Variants in ST6GALNAC2 observed in about 807,000 individuals in gnomAD.
ST6GALNAC2 encodes ST6 N-acetylgalactosaminide alpha-2,6-sialyltransferase 2.
Under a neutral mutation model 38.7 loss-of-function variants are expected in ST6GALNAC2, and 42 were observed. The ratio of observed to expected loss-of-function variants is 1.09; its 90% CI spans 0.85 to 1.40. The LOEUF is 1.40. Ranked by LOEUF, ST6GALNAC2 falls within the 40% of genes most tolerant of loss-of-function variation. The pLI, the probability that ST6GALNAC2 is intolerant of heterozygous loss-of-function variation, is 0.00. For synonymous variants in ST6GALNAC2, 233 were observed against 209.0 expected (o/e 1.11, Z -0.99); for missense variants, 506 against 481.7 (o/e 1.05, Z -0.47).
At position 76,568,726 on chromosome 17, in the gene ST6GALNAC2, A is replaced by G; in HGVS notation, c.844T>C (p.Tyr282His). The change falls in exon 7 of 9, where the codon TAC becomes CAC. Residue 282 changes from tyrosine to histidine, a missense_variant. Coordinates refer to ENST00000225276, the MANE Select transcript of ST6GALNAC2 (RefSeq NM_006456.3). The part of the protein sequence containing the change: ...FKLLHPDFIS[Y>H]LTERFLKSKL... ...CCCACTCCGTACCTTTCTGTCAGGTAGCTGATGAAGTCCGGATGTAGCAGC... is the reference window on the plus strand; with the variant it reads ...CCCACTCCGTACCTTTCTGTCAGGTGGCTGATGAAGTCCGGATGTAGCAGC... 1 of 1,613,724 alleles carries G rather than the reference A, an allele frequency of 6.2e-7. No individual in the cohort carries two copies. Among genetic ancestry groups the G allele is most frequent in the Non-Finnish European group, 8.5e-7 (1 of 1,180,000 alleles).
chr17:76,573,159 T>TACCCA lies in ST6GALNAC2; in HGVS notation c.530+35_530+36insTGGGT. On this transcript the variant is annotated intron_variant, in intron 4 of 8. Transcript: ENST00000225276. The surrounding 1 kb of genome is among the most constrained non-coding windows in gnomAD (Gnocchi z 5.1). ...GACACCCCCACCCTCCAGGCAACTCTCCCTCCCGCCCCTCCCCAGCTCCTA... is the reference window on the plus strand; with the variant it reads ...GACACCCCCACCCTCCAGGCAACTCTACCCACCCTCCCGCCCCTCCCCAGCTCCTA... The TACCCA allele has an allele frequency of 3.3e-6, 5 of 1,530,316 alleles. No individual in the cohort carries two copies. The highest frequency in any genetic ancestry group is 4.5e-6 in the Non-Finnish European group (5 of 1,120,826). The allele number at this position is 1,530,316 out of a possible 1,614,324, so 94.8% of individuals were successfully genotyped here. A position where few individuals can be genotyped will look rare whatever the true frequency, so the allele number is the denominator to read the frequency against.
chr17:76,571,508 C>T (rs1180082089), intron 5 of ST6GALNAC2, among the ~76,000 whole-genome samples: 1 of 152,222 alleles, frequency 6.6e-6, no homozygotes, highest in East Asian at 1.9e-4. Flanking sequence ...GCAGGAGAAT[C>T]GCTTGAACCC....
chr17:76,566,012 A>G lies in ST6GALNAC2; in HGVS notation c.*92T>C. ...CCCAGTGCCCTCTGTTGGCAAGGGAAGGTGAAGATTGAAAAGTTAAAAAAG... is the reference window on the plus strand; with the variant it reads ...CCCAGTGCCCTCTGTTGGCAAGGGAGGGTGAAGATTGAAAAGTTAAAAAAG... On this transcript the variant is annotated 3_prime_UTR_variant, in exon 9 of 9. Coordinates refer to ENST00000225276, the MANE Select transcript of ST6GALNAC2 (RefSeq NM_006456.3). The G allele has an allele frequency of 3.7e-6, 5 of 1,340,172 alleles. No homozygotes were observed. Among genetic ancestry groups the G allele is most frequent in the Non-Finnish European group, 5.1e-6 (5 of 982,572 alleles). The allele number at this position is 1,340,172 out of a possible 1,614,324, so 83.0% of individuals were successfully genotyped here.
intron 2 of ST6GALNAC2, among the ~76,000 whole-genome samples, chr17:76,577,397 G>A (rs1176655007): frequency 6.6e-6 from 1 of 151,780 alleles, no homozygotes; most frequent in African/African-American, 2.4e-5. Flanking sequence ...GTGTCCAAAA[G>A]CCACCTCAGA....
intron 7 of ST6GALNAC2, chr17:76,568,017 C>G (rs1450309366): frequency 5.8e-6 from 1 of 171,036 alleles, no homozygotes; most frequent in African/African-American, 2.4e-5. Flanking sequence ...CCAGGCCGAT[C>G]ACCTGACCTC....
intron 8 of ST6GALNAC2, 43 bp downstream of exon 8, chr17:76,567,410 T>C: frequency 7.1e-7 from 1 of 1,418,032 alleles, no homozygotes; most frequent in African/African-American, 1.4e-5. Context: ...TCTGTTATCC[T>C]GTGTTCTGCC....
In ST6GALNAC2 at chr17:76,567,407, T is replaced by C. The variant is rs766198446; in HGVS notation, c.957+46A>G. ...CAGGGGATCCTGTTGGGTTCTGTTA[T>C]CCTGTGTTCTGCCGGCATGGGCTTC... On this transcript the variant is annotated intron_variant, in intron 8 of 8. Coordinates refer to ENST00000225276, the MANE Select transcript of ST6GALNAC2 (RefSeq NM_006456.3). 6 of 1,387,140 alleles carry C rather than the reference T, an allele frequency of 4.3e-6. No homozygotes were observed. The African/African-American group carries it at 8.5e-5, about 20-fold the overall frequency. 85.9% of individuals were successfully genotyped at this position (1,387,140 alleles called of 1,614,324 possible).
chr17:76,578,236 G>A (rs532247398), intron 2 of ST6GALNAC2, among the ~76,000 whole-genome samples: 2 of 152,230 alleles, frequency 1.3e-5, no homozygotes, highest in South Asian at 4.1e-4. Context: ...GCCTCATTTT[G>A]CTCATTTGTA....
chr17:76,582,241 G>C (rs1364710845), intron 1 of ST6GALNAC2, among the ~76,000 whole-genome samples: 1 of 134,192 alleles, frequency 7.5e-6, no homozygotes, highest in Non-Finnish European at 1.5e-5. Flanking sequence ...GCAGGATCTT[G>C]GCTCACTACA....
intron 2 of ST6GALNAC2, 33 bp downstream of exon 2, chr17:76,578,723 T>C (rs781618386): frequency 1.6e-5 from 26 of 1,601,226 alleles, no homozygotes; most frequent in African/African-American, 4.0e-5. Flanking sequence ...TTGAGGGTGC[T>C]CAAAACTGCC....
chr17:76,583,506 G>A (rs1443105379), intron 1 of ST6GALNAC2, among the ~76,000 whole-genome samples: 1 of 151,878 alleles, frequency 6.6e-6, no homozygotes, highest in African/African-American at 2.4e-5. Context: ...GAGTGAGACT[G>A]TCCCCAAAAG....
At chr17:76,568,906 G>C (rs2075318746) in intron 6 of ST6GALNAC2, 110 bp from the exon 7 acceptor site, 1 of 1,014,000 alleles carries the variant, frequency 9.9e-7, no homozygotes, top group African/African-American at 1.6e-5. Context: ...TGAGCGGTAG[G>C]AGCGGGGCTG....
chr17:76,567,613 C>G, intron 7 of ST6GALNAC2, 61 bp from the exon 8 acceptor site: 1 of 1,134,250 alleles, frequency 8.8e-7, no homozygotes, highest in Non-Finnish European at 1.3e-6. Flanking sequence ...CACTTCACAA[C>G]TACACATTCA....
At chr17:76,568,896 T>A in intron 6 of ST6GALNAC2, 100 bp from the exon 7 acceptor site, 1 of 1,149,352 alleles carries the variant, frequency 8.7e-7, no homozygotes, top group South Asian at 1.3e-5. Flanking sequence ...CGCGGTACCC[T>A]GAGCGGTAGG....
Position 76,580,065 on chromosome 17 carries a change from T to G in ST6GALNAC2, c.126-1249A>C, listed in dbSNP as rs528676791. On this transcript the variant is annotated intron_variant, in intron 1 of 8. Coordinates refer to ENST00000225276, the MANE Select transcript of ST6GALNAC2 (RefSeq NM_006456.3). The stretch of plus-strand genomic sequence containing the variant: ...CATTTATACAATAGGGATAATCATA[T>G]TGAGCTCCTTTGATTGTTAGGAGGG... Among the ~76,000 whole-genome samples the G allele has an allele frequency of 2.6e-5, 4 of 152,326 alleles. No homozygotes were observed. In the East Asian group the frequency reaches 7.7e-4, roughly 29 times the overall value.
intron 8 of ST6GALNAC2, among the ~76,000 whole-genome samples, chr17:76,566,502 C>CA (rs1202016450): frequency 6.6e-6 from 1 of 151,998 alleles, no homozygotes; most frequent in Non-Finnish European, 1.5e-5. Flanking sequence ...AGGGTGGAGG[C>CA]AAAAGCCCAT....
chr17:76,577,816 G>C (rs527315017), intron 2 of ST6GALNAC2, among the ~76,000 whole-genome samples: 26 of 151,602 alleles, frequency 1.7e-4, no homozygotes, highest in Non-Finnish European at 2.4e-4. Flanking sequence ...CAGGCAATCT[G>C]CCCACCTCGG....
intron 2 of ST6GALNAC2, among the ~76,000 whole-genome samples, chr17:76,575,958 G>A (rs571218794): frequency 4.5e-4 from 68 of 152,218 alleles, no homozygotes; most frequent in Non-Finnish European, 7.9e-4. Flanking sequence ...CATGATCATG[G>A]GGTAGCTGGG....
intron 1 of ST6GALNAC2, among the ~76,000 whole-genome samples, chr17:76,585,132 A>C (rs929347663): frequency 6.6e-6 from 1 of 152,006 alleles, no homozygotes; most frequent in Non-Finnish European, 1.5e-5. Flanking sequence ...TCGCGCCCGC[A>C]CTGGGCTTAT....
Sources: gnomAD v4.1 joint callset for allele counts (sites outside exome capture counted in the v4.1 genomes callset) on GRCh38, gnomAD v4.1.1 for gene constraint, Gnocchi (gnomAD v3.1) non-coding constraint, MANE v1.5 for transcripts, NCBI Gene and HGNC (gene_info 2026-07-23, HGNC 2026-07-21) for gene names.